Variants in TNRC6B observed in about 807,000 individuals in gnomAD.
TNRC6B encodes the protein trinucleotide repeat-containing gene 6B protein.
Under a neutral mutation model 203.6 loss-of-function variants are expected in TNRC6B, and 52 were observed. That is an observed-to-expected ratio of 0.26 (90% CI 0.20 to 0.32). The LOEUF is 0.32. TNRC6B is among the 10% of genes least tolerant of loss of function. The pLI, the probability that TNRC6B is intolerant of heterozygous loss-of-function variation, is 1.00. For synonymous variants in TNRC6B, 838 were observed against 845.7 expected, an observed-to-expected ratio of 0.99 and a Z score of 0.16; for missense variants, 1,923 against 2,286.2, an observed-to-expected ratio of 0.84 and a Z score of 3.24.
intron 3 of TNRC6B, among the ~76,000 whole-genome samples, chr22:40,131,077 G>A (rs918743741): frequency 1.3e-5 from 2 of 151,566 alleles, no homozygotes; most frequent in South Asian, 4.2e-4. Flanking sequence ...ATAATTTTTT[G>A]CCCAGATAAT....
Position 40,331,826 on chromosome 22 carries a change from C to T in TNRC6B, c.*8585C>T, listed in dbSNP as rs192577150. On this transcript the variant is annotated 3_prime_UTR_variant, in exon 23 of 23. Coordinates refer to ENST00000454349, the MANE Select transcript of TNRC6B (RefSeq NM_001162501.2). Reference sequence around the variant, plus strand: ...TCTTCAGTTTCTGTGTCCATGGTGTCCCCGTGTCCTGGAGGGGAAGGGGAG... The same window carrying T: ...TCTTCAGTTTCTGTGTCCATGGTGTTCCCGTGTCCTGGAGGGGAAGGGGAG... 1 of 366,126 alleles carries T rather than the reference C, an allele frequency of 2.7e-6. No homozygotes were observed. The highest frequency in any genetic ancestry group is 4.7e-5 in the Admixed American group (1 of 21,300). The allele number at this position is 366,126 out of a possible 1,614,324, so 22.7% of individuals were successfully genotyped here.
intron 3 of TNRC6B, among the ~76,000 whole-genome samples, chr22:40,132,290 C>G (rs1174771109): frequency 6.6e-6 from 1 of 151,480 alleles, no homozygotes; most frequent in Non-Finnish European, 1.5e-5. Flanking sequence ...CAGTTGAACC[C>G]AGGAGGCAGA....
chr22:40,141,138 A>T, intron 3 of TNRC6B, among the ~76,000 whole-genome samples: 1 of 148,128 alleles, frequency 6.8e-6, no homozygotes, highest in East Asian at 2.0e-4. Flanking sequence ...TTTTTTTTTA[A>T]TTAACGAATT....
intron 1 of TNRC6B, among the ~76,000 whole-genome samples, chr22:40,183,947 G>A (rs917560109): frequency 6.6e-6 from 1 of 151,946 alleles, no homozygotes; most frequent in South Asian, 2.1e-4. Flanking sequence ...CACCTGCCTC[G>A]GCCTCCCAAA....
At chr22:40,129,708 AG>A (rs1389557884) in intron 3 of TNRC6B, among the ~76,000 whole-genome samples, 1 of 152,194 alleles carries the variant, frequency 6.6e-6, no homozygotes, top group African/African-American at 2.4e-5. Context: ...TGTGTCTGAT[AG>A]GGGTGCAATT....
At chr22:40,312,483 A>G (rs768748009) in intron 17 of TNRC6B, 22 bp from the exon 18 acceptor site, 2 of 1,598,194 alleles carry the variant, frequency 1.3e-6, no homozygotes, top group Non-Finnish European at 1.7e-6. Flanking sequence ...TCCTTCTCTA[A>G]TATTTGTTTT....
intron 15 of TNRC6B, among the ~76,000 whole-genome samples, chr22:40,301,802 A>G (rs1164540895): frequency 6.6e-6 from 1 of 152,134 alleles, no homozygotes; most frequent in Non-Finnish European, 1.5e-5. Context: ...TAAAAATCCA[A>G]AATGCCCCAA....
In TNRC6B at chr22:40,066,841, T is replaced by C. The variant is rs192760253; in HGVS notation, c.-121+21843T>C. On this transcript the variant is annotated intron_variant, in intron 1 of 23. Transcript: ENST00000301923. Reference sequence around the variant, plus strand: ...AAACTTACTGATATTTGAATACTTTTGTACATTTCTCCTTACTACATTGCA... The same window carrying C: ...AAACTTACTGATATTTGAATACTTTCGTACATTTCTCCTTACTACATTGCA... Among the ~76,000 whole-genome samples, 647 of 152,096 alleles carry C rather than the reference T, an allele frequency of 4.3e-3. 21 individuals are homozygous for C. Among genetic ancestry groups the C allele is most frequent in the Admixed American group, 0.037 (562 of 15,278 alleles).
At chr22:40,242,989 C>G (rs1262018384) in intron 1 of TNRC6B, among the ~76,000 whole-genome samples, 1 of 152,122 alleles carries the variant, frequency 6.6e-6, no homozygotes, top group Admixed American at 6.5e-5. Context: ...CTGCCTCAGC[C>G]TCTCGAGTAG....
At chr22:40,106,237 CTTTTTTT>C in intron 1 of TNRC6B, 1 of 156,348 alleles carries the variant, frequency 6.4e-6, no homozygotes. Flanking sequence ...TCGAGGTTGT[CTTTTTTT>C]TTTTTTTTTT....
At chr22:40,199,373 C>T (rs1018515158) in intron 1 of TNRC6B, among the ~76,000 whole-genome samples, 6 of 152,128 alleles carry the variant, frequency 3.9e-5, no homozygotes, top group Admixed American at 2.0e-4. Context: ...ACCAGGTAAT[C>T]CCAGCAGTGG....
At chr22:40,111,690 C>G (rs1245945542) in intron 1 of TNRC6B, among the ~76,000 whole-genome samples, 1 of 152,040 alleles carries the variant, frequency 6.6e-6, no homozygotes, top group Non-Finnish European at 1.5e-5. Context: ...CCCTGTGGCA[C>G]CTGAGGTGGA....
chr22:40,134,572 G>T (rs2068582250), intron 3 of TNRC6B, among the ~76,000 whole-genome samples: 1 of 152,144 alleles, frequency 6.6e-6, no homozygotes. Flanking sequence ...TATCGGGTTG[G>T]GGGGCTACGG....
At position 40,288,839 on chromosome 22, in the gene TNRC6B, C is replaced by CTT. The variant is rs1224962691; in HGVS notation, c.3708+3088_3708+3089dup. On this transcript the variant is annotated intron_variant, in intron 12 of 22. Coordinates refer to ENST00000454349, the MANE Select transcript of TNRC6B (RefSeq NM_001162501.2). ...TACAGGCGTGAGCCACTGTGCCCAGCTTTTTTTTTTTTTTTTTTTTGAGGC... is the reference window on the plus strand; with the variant it reads ...TACAGGCGTGAGCCACTGTGCCCAGCTTTTTTTTTTTTTTTTTTTTTTGAGGC... Among the ~76,000 whole-genome samples, 151 of 105,094 alleles carry CTT rather than the reference C, an allele frequency of 1.4e-3. 5 individuals are homozygous for CTT. The highest frequency in any genetic ancestry group is 2.7e-3 in the African/African-American group (68 of 25,642). The allele number at this position is 105,094 out of a possible 152,430, so 68.9% of individuals were successfully genotyped here.
intron 1 of TNRC6B, among the ~76,000 whole-genome samples, chr22:40,075,156 A>ATATATATATATATATATTTTTT: frequency 2.8e-5 from 1 of 35,558 alleles, no homozygotes; most frequent in African/African-American, 1.0e-4. Context: ...ATATATATAT[A>ATATATATATATATATATTTTTT]TTTTTTTTTT....
intron 7 of TNRC6B, 34 bp from the exon 8 acceptor site, chr22:40,277,043 T>C (rs747091750): frequency 1.3e-6 from 2 of 1,527,090 alleles, no homozygotes; most frequent in Non-Finnish European, 1.8e-6. Flanking sequence ...AAATAAATTA[T>C]TTGGTTCTGA....
chr22:40,244,504 C>T (rs546647575), intron 1 of TNRC6B, among the ~76,000 whole-genome samples: 3 of 151,116 alleles, frequency 2.0e-5, no homozygotes, highest in South Asian at 2.1e-4. Flanking sequence ...TATGTATTCA[C>T]GAGAGCCCAC....
At chr22:40,206,398 T>C (rs1198424842) in intron 1 of TNRC6B, among the ~76,000 whole-genome samples, 2 of 152,174 alleles carry the variant, frequency 1.3e-5, no homozygotes, top group African/African-American at 4.8e-5. Context: ...GACAAGACCT[T>C]CATGGGAGAA....
chr22:40,248,974 T>C (rs1289748391), intron 2 of TNRC6B, among the ~76,000 whole-genome samples: 1 of 152,262 alleles, frequency 6.6e-6, no homozygotes, highest in Admixed American at 6.5e-5. Context: ...TCCAACCTTA[T>C]TGTAGAGACA....
Sources: gnomAD v4.1 joint callset for allele counts (sites outside exome capture counted in the v4.1 genomes callset) on GRCh38, gnomAD v4.1.1 for gene constraint, MANE v1.5 for transcripts, NCBI Gene and HGNC (gene_info 2026-07-23, HGNC 2026-07-21) for gene names.